The following NPAS3 variants were observed in gnomAD, a reference collection of about 807,000 sequenced individuals.
NPAS3 encodes the protein neuronal PAS domain-containing protein 3.
A neutral mutation model predicts 73.1 loss-of-function variants in NPAS3; 14 were observed. The observed-to-expected ratio is 0.19, with a 90% confidence interval of 0.13 to 0.30. NPAS3 has a LOEUF of 0.30. Among genes scored for constraint, NPAS3 ranks in the 10% least tolerant of loss-of-function variants. The pLI is 1.00. For missense variants in NPAS3, 1,096 were observed against 1,250.0 expected (o/e 0.88, Z 1.86); for synonymous variants, 620 against 541.5 (o/e 1.14, Z -2.01).
chr14:33,542,698 T>C (rs1566987163), intron 4 of NPAS3, among the ~76,000 whole-genome samples: 1 of 152,226 alleles, frequency 6.6e-6, no homozygotes, highest in Non-Finnish European at 1.5e-5. Flanking sequence ...TACAGGCATT[T>C]AAGTAAAAAA....
intron 5 of NPAS3, among the ~76,000 whole-genome samples, chr14:33,576,778 G>A (rs568928887): frequency 6.0e-4 from 92 of 152,152 alleles, no homozygotes; most frequent in Non-Finnish European, 1.0e-3. Flanking sequence ...GTCTCCTGCT[G>A]TTTGCGAGAC....
chr14:33,116,902 A>G (rs1055373657), intron 2 of NPAS3, among the ~76,000 whole-genome samples: 2 of 152,148 alleles, frequency 1.3e-5, no homozygotes, highest in Non-Finnish European at 2.9e-5. Context: ...CAGGAAGAAA[A>G]GTGGTATTTT....
In NPAS3 at chr14:33,161,992, CA is replaced by C. The variant is rs547806889; in HGVS notation, c.141-53189del. ...GTTATCAGAGGAGCCCTGAATAGGC[CA>C]TACTCCTCCAGGGATGGGGCATAGA... On this transcript the variant is annotated intron_variant, in intron 2 of 11. Coordinates refer to ENST00000356141, the Ensembl canonical transcript of NPAS3. Among the ~76,000 whole-genome samples the C allele has an allele frequency of 6.2e-4, 95 of 152,326 alleles. 1 individual carries two copies. The East Asian group carries it at 0.018, about 29-fold the overall frequency.
intron 4 of NPAS3, among the ~76,000 whole-genome samples, chr14:33,542,025 C>A (rs2054544723): frequency 6.6e-6 from 1 of 152,218 alleles, no homozygotes; most frequent in East Asian, 1.9e-4. Context: ...TGACTCTCAC[C>A]CTGAACTATG....
chr14:33,410,794 C>T (rs566644643), intron 4 of NPAS3, among the ~76,000 whole-genome samples: 9 of 152,234 alleles, frequency 5.9e-5, no homozygotes, highest in South Asian at 2.1e-4. Flanking sequence ...TACAGGCATG[C>T]GCCACCACAC....
chr14:33,491,904 G>C, intron 4 of NPAS3, among the ~76,000 whole-genome samples: 1 of 152,100 alleles, frequency 6.6e-6, no homozygotes, highest in Non-Finnish European at 1.5e-5. Flanking sequence ...CAAATGTATG[G>C]TATGTGCAGA....
rs1163798900 is a variant in NPAS3 at position 33,799,745 on chromosome 14, A to G, written c.1438A>G (p.Asn480Asp). 6.4e-7 allele frequency: 1 copy of G among 1,571,402 alleles called. No homozygotes were observed. Among genetic ancestry groups the G allele is most frequent in the African/African-American group, 1.4e-5 (1 of 73,678 alleles). Residue 480 changes from asparagine (N) to aspartate (D), a missense_variant, in exon 12 of 12, where the codon AAC (asparagine) becomes GAC (aspartate). Asn to Asp is a conservative substitution (Grantham distance 23). Around this residue, in one of 5 missense-constraint regions of NPAS3, gnomAD observed 114 missense variants for 220.3 expected, o/e 0.52. Transcript: ENST00000356141. ...CCCGCCCCACACAGAGGACAACGAGAACTCCAAGTCCGACGAGAAGGGGAA... is the reference window on the plus strand; with the variant it reads ...CCCGCCCCACACAGAGGACAACGAGGACTCCAAGTCCGACGAGAAGGGGAA...
At chr14:33,427,294 C>A (rs1239027991) in intron 4 of NPAS3, among the ~76,000 whole-genome samples, 1 of 145,510 alleles carries the variant, frequency 6.9e-6, no homozygotes, top group South Asian at 2.1e-4. Flanking sequence ...GAACCTCAAG[C>A]CTGTTCTCTC....
chr14:33,507,089 TGG>T (rs1442301239), intron 4 of NPAS3, among the ~76,000 whole-genome samples: 1 of 152,036 alleles, frequency 6.6e-6, no homozygotes, highest in East Asian at 1.9e-4. Context: ...TGAAATGTTG[TGG>T]GTGATGGACT....
chr14:33,488,743 G>A (rs369808096), intron 4 of NPAS3, among the ~76,000 whole-genome samples: 5 of 152,238 alleles, frequency 3.3e-5, no homozygotes, highest in East Asian at 3.9e-4. Flanking sequence ...CTTCCCTGCC[G>A]TCTCGCTGGC....
chr14:33,311,304 T>C (rs1405861017), intron 3 of NPAS3, among the ~76,000 whole-genome samples: 3 of 152,188 alleles, frequency 2.0e-5, no homozygotes, highest in Admixed American at 2.0e-4. Context: ...TCTGTTTGTA[T>C]ATTGATTGAC....
chr14:33,419,268 A>G (rs2048277321), intron 4 of NPAS3, among the ~76,000 whole-genome samples: 1 of 151,968 alleles, frequency 6.6e-6, no homozygotes, highest in Admixed American at 6.6e-5. Flanking sequence ...CTAACATTAG[A>G]GAAGAGACAA....
chr14:33,318,358 A>G (rs2043293865), intron 3 of NPAS3, among the ~76,000 whole-genome samples: 1 of 152,132 alleles, frequency 6.6e-6, no homozygotes, highest in African/African-American at 2.4e-5. Flanking sequence ...GGAATGGGGA[A>G]TTGTCATTTA....
intron 3 of NPAS3, among the ~76,000 whole-genome samples, chr14:33,331,133 G>C (rs1261180128): frequency 6.6e-6 from 1 of 152,144 alleles, no homozygotes; most frequent in Non-Finnish European, 1.5e-5. Context: ...ATTCAAGCTT[G>C]TAAATCAGGA....
intron 3 of NPAS3, among the ~76,000 whole-genome samples, chr14:33,281,637 A>C (rs866834749): frequency 1.5e-4 from 23 of 152,290 alleles, no homozygotes; most frequent in Admixed American, 5.2e-4. Context: ...ACCTCAAAAA[A>C]AATTTTTTTT....
At chr14:33,062,494 G>A (rs1036772688) in intron 2 of NPAS3, among the ~76,000 whole-genome samples, 6 of 152,104 alleles carry the variant, frequency 3.9e-5, no homozygotes, top group African/African-American at 9.7e-5. Flanking sequence ...CAAGATAAAC[G>A]AATGCCAGAG....
chr14:33,196,108 A>G (rs1457684125), intron 2 of NPAS3, among the ~76,000 whole-genome samples: 1 of 152,212 alleles, frequency 6.6e-6, no homozygotes, highest in Non-Finnish European at 1.5e-5. Flanking sequence ...GGCCAGCGCT[A>G]AGGTCCCATG....
chr14:33,049,213 C>T (rs2040616615), intron 1 of NPAS3, among the ~76,000 whole-genome samples: 1 of 152,186 alleles, frequency 6.6e-6, no homozygotes, highest in Non-Finnish European at 1.5e-5. Context: ...ATAATGGATA[C>T]AACCCTTTAT....
intron 3 of NPAS3, among the ~76,000 whole-genome samples, chr14:33,304,088 T>G (rs2042663433): frequency 6.6e-6 from 1 of 152,166 alleles, no homozygotes; most frequent in Non-Finnish European, 1.5e-5. Context: ...TTTGTATTTT[T>G]AGTAAAGACG....
Sources: gnomAD v4.1 joint callset for allele counts (sites outside exome capture counted in the v4.1 genomes callset) on GRCh38, gnomAD v4.1.1 for gene constraint, gnomAD v4.1.1 regional missense constraint, MANE v1.5 for transcripts, NCBI Gene and HGNC (gene_info 2026-07-23, HGNC 2026-07-21) for gene names.